Variants in UEVLD observed in about 807,000 individuals in gnomAD.
UEVLD encodes the protein ubiquitin-conjugating enzyme E2 variant 3.
In UEVLD, 47 loss-of-function variants were observed where a neutral mutation model predicts 58.6. The ratio of observed to expected loss-of-function variants is 0.80; its 90% CI spans 0.63 to 1.02. The LOEUF is 1.02. UEVLD is among the 50% of genes least tolerant of loss of function. The pLI, the probability that UEVLD is intolerant of heterozygous loss-of-function variation, is 0.00. For missense variants in UEVLD, 510 were observed against 550.6 expected (o/e 0.93, Z 0.74); for synonymous variants, 197 against 195.3 (o/e 1.01, Z -0.07).
At chr11:18,565,801 C>CAGCGAGACTCCATCTCAAAAAA (rs1852263963) in intron 5 of UEVLD, among the ~76,000 whole-genome samples, 1 of 151,576 alleles carries the variant, frequency 6.6e-6, no homozygotes, top group African/African-American at 2.4e-5. Flanking sequence ...CTGGGTGACA[C>CAGCGAGACTCCATCTCAAAAAA]AGCGAGACTC....
intron 8 of UEVLD, among the ~76,000 whole-genome samples, chr11:18,546,487 GTTTT>G (rs1377105210): frequency 6.8e-6 from 1 of 146,832 alleles, no homozygotes; most frequent in East Asian, 2.1e-4. Flanking sequence ...TTTTTGTTTT[GTTTT>G]TTATTTTGTT....
intron 7 of UEVLD, among the ~76,000 whole-genome samples, chr11:18,550,394 A>C (rs1158116454): frequency 2.0e-5 from 3 of 152,046 alleles, no homozygotes; most frequent in Admixed American, 6.6e-5. Context: ...GCTTTTGCTC[A>C]AATTCTCACT....
chr11:18,586,545 C>T (rs1009135257), intron 1 of UEVLD, among the ~76,000 whole-genome samples: 8 of 151,822 alleles, frequency 5.3e-5, no homozygotes, highest in Non-Finnish European at 1.0e-4. Context: ...TTTAGAGACA[C>T]GGTCTCGTTC....
chr11:18,563,107 A>AC (rs1852124901), intron 6 of UEVLD, among the ~76,000 whole-genome samples: 1 of 151,932 alleles, frequency 6.6e-6, no homozygotes, highest in African/African-American at 2.4e-5. Context: ...GCTTACCAAA[A>AC]AAAAAAAAAG....
intron 5 of UEVLD, among the ~76,000 whole-genome samples, 156 bp downstream of exon 5, chr11:18,566,191 G>A (rs975403795): frequency 1.3e-5 from 2 of 152,092 alleles, no homozygotes; most frequent in Non-Finnish European, 2.9e-5. Flanking sequence ...GAGCCACTGC[G>A]CCTGGCCTGA....
chr11:18,584,393 AG>A (rs1234720140), intron 1 of UEVLD, among the ~76,000 whole-genome samples: 2 of 152,116 alleles, frequency 1.3e-5, no homozygotes, highest in African/African-American at 4.8e-5. Context: ...TTTAAAAAAA[AG>A]AAAAAGCACA....
intron 7 of UEVLD, among the ~76,000 whole-genome samples, chr11:18,551,171 G>A (rs370383636): frequency 1.2e-4 from 19 of 152,272 alleles, no homozygotes; most frequent in East Asian, 9.6e-4. Flanking sequence ...GCTCACACAC[G>A]TAATCCCAGC....
chr11:18,580,622 G>T (rs1193772225), intron 1 of UEVLD, among the ~76,000 whole-genome samples: 2 of 146,528 alleles, frequency 1.4e-5, no homozygotes, highest in African/African-American at 5.4e-5. Context: ...GCCTGCCTCT[G>T]GTCTTGGACA....
intron 7 of UEVLD, 98 bp from the exon 8 acceptor site, chr11:18,547,148 C>A: frequency 1.6e-6 from 2 of 1,250,888 alleles, no homozygotes; most frequent in South Asian, 3.1e-5. Context: ...AATAAGAGAG[C>A]TTTTAGGCAC....
chr11:18,566,685 C>G (rs770008916), intron 4 of UEVLD, among the ~76,000 whole-genome samples: 6 of 151,370 alleles, frequency 4.0e-5, no homozygotes, highest in Admixed American at 3.9e-4. Flanking sequence ...CCTATACATT[C>G]TTTTAGAGTT....
chr11:18,533,858 T>C (rs1850678199), intron 11 of UEVLD, among the ~76,000 whole-genome samples: 1 of 152,184 alleles, frequency 6.6e-6, no homozygotes, highest in Non-Finnish European at 1.5e-5. Context: ...TTCACCATGT[T>C]AGCCAGGCTG....
intron 3 of UEVLD, among the ~76,000 whole-genome samples, chr11:18,573,788 T>A (rs1852757497): frequency 6.6e-6 from 1 of 150,860 alleles, no homozygotes; most frequent in East Asian, 1.9e-4. Context: ...ATTAAGGGGG[T>A]TTGTGATAAT....
At chr11:18,563,097 G>A (rs1852123075) in intron 6 of UEVLD, among the ~76,000 whole-genome samples, 2 of 133,246 alleles carry the variant, frequency 1.5e-5, no homozygotes, top group Middle Eastern at 3.8e-3. Flanking sequence ...GCCTTCTTGT[G>A]CTTACCAAAA....
Position 18,578,774 on chromosome 11 carries a change from C to A in UEVLD, c.77G>T (p.Arg26Met). 1.9e-6 allele frequency: 3 copies of A among 1,608,964 alleles called. No homozygotes were observed. Among genetic ancestry groups the A allele is most frequent in the Non-Finnish European group, 2.5e-6 (3 of 1,177,626 alleles). ...KFRDLTVEEL[R>M]NVNVFFPHFK... The stretch of plus-strand genomic sequence containing the variant: ...ATGTGGGAAAAATACATTTACATTC[C>A]TTAGTTCTTCCACAGTTAGGTCCCT... Residue 26 changes from arginine (R) to methionine (M), a missense_variant, in exon 2 of 12, where the codon AGG becomes ATG. By Grantham distance (91) the Arg-to-Met change is moderately conservative (BLOSUM62 -1). Transcript: ENST00000396197.
At chr11:18,575,220 G>T in intron 3 of UEVLD, 127 bp downstream of exon 3, 1 of 965,384 alleles carries the variant, frequency 1.0e-6, no homozygotes, top group Non-Finnish European at 1.5e-6. Flanking sequence ...AACAGATCCA[G>T]TAAGGTTCTG....
chr11:18,578,166 T>A (rs1466540289), intron 2 of UEVLD, among the ~76,000 whole-genome samples: 1 of 152,118 alleles, frequency 6.6e-6, no homozygotes, highest in Non-Finnish European at 1.5e-5. Flanking sequence ...TTATCCTGTA[T>A]TACTGGGGTG....
intron 7 of UEVLD, among the ~76,000 whole-genome samples, chr11:18,552,451 G>C (rs903465711): frequency 2.0e-5 from 3 of 152,180 alleles, no homozygotes; most frequent in Admixed American, 2.0e-4. Context: ...GGAGGCCGAG[G>C]CAGGAGAATC....
At chr11:18,542,741 A>AT (rs1427105747) in intron 9 of UEVLD, among the ~76,000 whole-genome samples, 1 of 152,124 alleles carries the variant, frequency 6.6e-6, no homozygotes, top group East Asian at 1.9e-4. Flanking sequence ...GACACTTTAA[A>AT]TTCCAAGGAA....
rs1850583698 is a variant in UEVLD, at chr11:18,532,174, A to G, written c.*146T>C. On this transcript the variant is annotated 3_prime_UTR_variant, in exon 12 of 12. Coordinates refer to ENST00000396197, the MANE Select transcript of UEVLD (RefSeq NM_001040697.4). ...TAACTCCTTAAGGATTTACATCACA[A>G]AGCTAATCAAGAAACCCTCTACTTT... 1.5e-6 allele frequency: 1 copy of G among 681,906 alleles called. No homozygotes were observed. Among genetic ancestry groups the G allele is most frequent in the Non-Finnish European group, 2.3e-6 (1 of 444,068 alleles). The allele number at this position is 681,906 out of a possible 1,614,324, so 42.2% of individuals were successfully genotyped here. A position where few individuals can be genotyped will look rare whatever the true frequency, so the allele number is the denominator to read the frequency against.
Sources: gnomAD v4.1 joint callset for allele counts (sites outside exome capture counted in the v4.1 genomes callset) on GRCh38, gnomAD v4.1.1 for gene constraint, MANE v1.5 for transcripts, NCBI Gene and HGNC (gene_info 2026-07-23, HGNC 2026-07-21) for gene names.